The following RIMS2 variants were observed in gnomAD, a reference collection of about 807,000 sequenced individuals.
RIMS2 encodes the protein regulating synaptic membrane exocytosis protein 2.
In RIMS2, 59 loss-of-function variants were observed where a neutral mutation model predicts 174.4. That is an observed-to-expected ratio of 0.34 (90% CI 0.27 to 0.42). The LOEUF is 0.42. Among genes scored for constraint, RIMS2 ranks in the 10% least tolerant of loss-of-function variants. The pLI is 1.00. For synonymous variants in RIMS2, 606 were observed against 572.5 expected (o/e 1.06, Z -0.84); for missense variants, 1,620 against 1,666.3 (o/e 0.97, Z 0.48).
intron 1 of RIMS2, among the ~76,000 whole-genome samples, chr8:103,528,134 A>T (rs149390628): frequency 0.011 from 1,673 of 152,180 alleles, 46 homozygotes; most frequent in African/African-American, 0.039. Context: ...CATTTCTCTG[A>T]TGGCCAGTGA....
At chr8:104,020,118 G>A (rs1342630776) in intron 19 of RIMS2, among the ~76,000 whole-genome samples, 1 of 151,846 alleles carries the variant, frequency 6.6e-6, no homozygotes, top group Non-Finnish European at 1.5e-5. Context: ...TTTCCTATGA[G>A]ATAGGAAGTA....
intron 3 of RIMS2, among the ~76,000 whole-genome samples, chr8:103,884,497 A>G (rs1011219592): frequency 6.6e-6 from 1 of 151,830 alleles, no homozygotes; most frequent in Non-Finnish European, 1.5e-5. Flanking sequence ...ACTAGGTTTT[A>G]CCAGTGTTAG....
At chr8:103,516,959 GATA>G (rs1398830013) in intron 1 of RIMS2, among the ~76,000 whole-genome samples, 1 of 152,170 alleles carries the variant, frequency 6.6e-6, no homozygotes, top group Non-Finnish European at 1.5e-5. Context: ...GGGAATCAAA[GATA>G]ATGATTGTTT....
intron 19 of RIMS2, among the ~76,000 whole-genome samples, chr8:104,048,353 A>G (rs549774485): frequency 6.6e-6 from 1 of 152,192 alleles, no homozygotes; most frequent in African/African-American, 2.4e-5. Context: ...TCATGACCCA[A>G]TAAATACTAT....
chr8:103,808,609 A>T (rs748141609), intron 3 of RIMS2, among the ~76,000 whole-genome samples: 2 of 152,052 alleles, frequency 1.3e-5, no homozygotes, highest in Non-Finnish European at 1.5e-5. Flanking sequence ...CTTCTCCCTC[A>T]ACCTGCTTCT....
In RIMS2 at chr8:103,885,407, C is replaced by T. The variant is rs559067260; in HGVS notation, c.808C>T (p.Pro270Ser). Residue 270 changes from proline to serine, a missense_variant, in exon 4 of 24, where the codon CCA (proline) becomes TCA (serine). Transcript: ENST00000504942. ...TTCGGATACCGCAATGCCTAGATCT[C>T]CATCAGATTATGCTGATAGGCGATC... The T allele has an allele frequency of 7.4e-6, 12 of 1,612,548 alleles. No individual in the cohort carries two copies. The Admixed American group carries it at 2.0e-4, about 27-fold the overall frequency.
intron 3 of RIMS2, among the ~76,000 whole-genome samples, chr8:103,875,647 A>AATGGTAGAT (rs2099132747): frequency 6.6e-6 from 1 of 151,964 alleles, no homozygotes; most frequent in Non-Finnish European, 1.5e-5. Context: ...TGGTGAATTG[A>AATGGTAGAT]ATGGTAGATC....
At chr8:104,093,373 T>C (rs1328106258) in intron 19 of RIMS2, 98 bp from the exon 24 acceptor site, 2 of 848,762 alleles carry the variant, frequency 2.4e-6, no homozygotes, top group East Asian at 5.5e-5. Flanking sequence ...TGCAGTTTCC[T>C]CTGTGGACAA....
chr8:103,527,256 C>T (rs1372499165), intron 1 of RIMS2, among the ~76,000 whole-genome samples: 20 of 152,192 alleles, frequency 1.3e-4, no homozygotes, highest in Admixed American at 1.3e-3. Context: ...ACAGTTATCC[C>T]TCAGTATCAC....
At chr8:104,020,245 G>T (rs117617214) in intron 19 of RIMS2, among the ~76,000 whole-genome samples, 3,637 of 151,606 alleles carry the variant, frequency 0.024, 68 homozygotes, top group Non-Finnish European at 0.039. Flanking sequence ...GGTTATTAAT[G>T]ATCTTAATCA....
At chr8:103,842,591 G>A (rs920404613) in intron 3 of RIMS2, among the ~76,000 whole-genome samples, 4 of 152,080 alleles carry the variant, frequency 2.6e-5, no homozygotes, top group Admixed American at 2.0e-4. Context: ...ATGTCAAAAT[G>A]TACCAACTTT....
At chr8:104,066,866 T>C (rs538141659) in intron 19 of RIMS2, among the ~76,000 whole-genome samples, 18 of 152,250 alleles carry the variant, frequency 1.2e-4, no homozygotes, top group South Asian at 4.1e-4. Context: ...TTTTTGTATA[T>C]TTATCTAAGA....
chr8:103,519,088 A>G (rs774701635), intron 1 of RIMS2, among the ~76,000 whole-genome samples: 7 of 152,032 alleles, frequency 4.6e-5, no homozygotes, highest in Non-Finnish European at 7.4e-5. Context: ...ACTTTTAGTT[A>G]TAATAAAATT....
chr8:104,225,157 G>A (rs1563859209), intron 19 of RIMS2, among the ~76,000 whole-genome samples: 1 of 152,222 alleles, frequency 6.6e-6, no homozygotes, highest in Admixed American at 6.5e-5. Flanking sequence ...TACACTTGAC[G>A]TGTATTCTTT....
At chr8:103,575,395 A>G (rs1395205854) in intron 1 of RIMS2, among the ~76,000 whole-genome samples, 1 of 152,140 alleles carries the variant, frequency 6.6e-6, no homozygotes, top group African/African-American at 2.4e-5. Context: ...AAAGCTGAAC[A>G]TATGATACCA....
exon 2 of RIMS2, chr8:103,697,125 AAAG>A: frequency 6.2e-7 from 1 of 1,613,510 alleles, no homozygotes. Context: ...AAGAGCAGGT[AAAG>A]AAGATGGGAG....
At chr8:104,023,682 A>G (rs1316989418) in intron 19 of RIMS2, among the ~76,000 whole-genome samples, 1 of 152,212 alleles carries the variant, frequency 6.6e-6, no homozygotes, top group Non-Finnish European at 1.5e-5. Context: ...GCCAAATTAA[A>G]TATGGTCTAC....
At chr8:103,713,818 C>T (rs1451220248) in intron 2 of RIMS2, among the ~76,000 whole-genome samples, 1 of 152,168 alleles carries the variant, frequency 6.6e-6, no homozygotes. Flanking sequence ...TATTCCTTGC[C>T]TAACTCTAGG....
chr8:104,055,642 T>C (rs1361829969), intron 19 of RIMS2, among the ~76,000 whole-genome samples: 1 of 152,196 alleles, frequency 6.6e-6, no homozygotes, highest in African/African-American at 2.4e-5. Flanking sequence ...ACAGGAATTG[T>C]GACTAACAAA....
Sources: gnomAD v4.1 joint callset for allele counts (sites outside exome capture counted in the v4.1 genomes callset) on GRCh38, gnomAD v4.1.1 for gene constraint, MANE v1.5 for transcripts, NCBI Gene and HGNC (gene_info 2026-07-23, HGNC 2026-07-21) for gene names.